The following CHRM2 variants were observed in gnomAD, a reference collection of about 807,000 sequenced individuals.
CHRM2 encodes the protein cholinergic receptor muscarinic 2.
Under a neutral mutation model 25.0 loss-of-function variants are expected in CHRM2, and 8 were observed. The observed-to-expected ratio is 0.32, with a 90% confidence interval of 0.19 to 0.58. The LOEUF is 0.58. Among genes scored for constraint, CHRM2 ranks in the 20% least tolerant of loss-of-function variants. The pLI is 0.88. For synonymous variants in CHRM2, 202 were observed against 205.7 expected (o/e 0.98, Z 0.15); for missense variants, 440 against 567.1 (o/e 0.78, Z 2.28).
In CHRM2 at chr7:137,016,726, A is replaced by G. The variant is rs552186303; in HGVS notation, c.*460A>G. Reference sequence around the variant, plus strand: ...AATAGGCACTATACAATGGGGACATAAAAAAAGAAAATCAAAGAAGGATGC... The same window carrying G: ...AATAGGCACTATACAATGGGGACATGAAAAAAGAAAATCAAAGAAGGATGC... On this transcript the variant is annotated 3_prime_UTR_variant, in exon 4 of 4. Coordinates refer to ENST00000680005, the MANE Select transcript of CHRM2 (RefSeq NM_001006630.2). 5.8e-6 allele frequency: 1 copy of G among 171,860 alleles called. No homozygotes were observed. Among genetic ancestry groups the G allele is most frequent in the South Asian group, 1.9e-4 (1 of 5,242 alleles). The allele number at this position is 171,860 out of a possible 1,614,324, so 10.6% of individuals were successfully genotyped here.
intron 2 of CHRM2, among the ~76,000 whole-genome samples, chr7:136,974,705 A>G (rs1198586258): frequency 6.6e-6 from 1 of 152,214 alleles, no homozygotes; most frequent in Non-Finnish European, 1.5e-5. Context: ...ATGTCATTGC[A>G]TGAAAGTTCT....
intron 2 of CHRM2, among the ~76,000 whole-genome samples, chr7:136,962,691 A>G (rs535126801): frequency 1.6e-4 from 25 of 152,216 alleles, no homozygotes; most frequent in Non-Finnish European, 3.1e-4. Context: ...AACTTGCAAG[A>G]TAAGTTTCAC....
At chr7:136,940,500 C>T (rs140080500) in intron 2 of CHRM2, among the ~76,000 whole-genome samples, 92 of 152,292 alleles carry the variant, frequency 6.0e-4, no homozygotes, top group Non-Finnish European at 1.1e-3. Flanking sequence ...TAGTACATAA[C>T]TTACTGAGTT....
intron 2 of CHRM2, chr7:136,899,253 G>T (rs766433194): frequency 4.6e-5 from 7 of 151,940 alleles, no homozygotes; most frequent in Non-Finnish European, 1.0e-4. Flanking sequence ...TTCAAAAAGG[G>T]CTCTTTCTGT....
chr7:136,876,116 C>A (rs1241362115), intron 2 of CHRM2, among the ~76,000 whole-genome samples: 1 of 152,188 alleles, frequency 6.6e-6, no homozygotes, highest in Non-Finnish European at 1.5e-5. Context: ...CAGTATATTC[C>A]TGTTATTTTT....
At chr7:136,959,707 T>C (rs1800949606) in intron 2 of CHRM2, among the ~76,000 whole-genome samples, 1 of 151,992 alleles carries the variant, frequency 6.6e-6, no homozygotes. Context: ...AGGTCGGGAG[T>C]TCGAGACCAG....
intron 2 of CHRM2, among the ~76,000 whole-genome samples, chr7:136,982,887 T>G (rs1802579520): frequency 1.3e-5 from 2 of 152,192 alleles, no homozygotes; most frequent in South Asian, 4.1e-4. Context: ...TTTCCTTCAT[T>G]TCAACCTTGG....
At position 136,923,233 on chromosome 7, in the gene CHRM2, A is replaced by T. The variant is rs188066567; in HGVS notation, c.-125+53815A>T. Among the ~76,000 whole-genome samples the T allele has an allele frequency of 2.7e-4, 40 of 150,228 alleles. 1 individual carries two copies. The East Asian group carries it at 5.3e-3, about 20-fold the overall frequency. ...TAAAAGCCGAGGTCATAAATGATTT[A>T]AAAAAAAATACAACTGATACTTATT... On this transcript the variant is annotated intron_variant, in intron 2 of 3. Transcript: ENST00000680005.
At chr7:136,890,817 G>A (rs1796661775) in intron 2 of CHRM2, among the ~76,000 whole-genome samples, 1 of 152,152 alleles carries the variant, frequency 6.6e-6, no homozygotes, top group East Asian at 1.9e-4. Flanking sequence ...GTATATGGGT[G>A]TATGTGTTTA....
At chr7:136,953,041 T>C (rs1267934075) in intron 2 of CHRM2, among the ~76,000 whole-genome samples, 1 of 152,170 alleles carries the variant, frequency 6.6e-6, no homozygotes, top group Non-Finnish European at 1.5e-5. Flanking sequence ...TGAGCATAAA[T>C]GTGCATGTGT....
At chr7:136,980,520 C>T (rs2194522) in intron 2 of CHRM2, among the ~76,000 whole-genome samples, 87,667 of 152,100 alleles carry the variant, frequency 0.58, 26,583 homozygotes, top group Non-Finnish European at 0.67. Context: ...TTGTCTTCTG[C>T]CAGTTTTCAA....
intron 2 of CHRM2, chr7:136,871,423 T>C (rs114940522): frequency 6.5e-6 from 1 of 152,742 alleles, no homozygotes; most frequent in African/African-American, 2.4e-5. Context: ...TGCCTGGTGC[T>C]GGGATGCGCC....
intron 2 of CHRM2, among the ~76,000 whole-genome samples, chr7:136,986,009 G>A (rs1802831078): frequency 6.6e-6 from 1 of 152,062 alleles, no homozygotes; most frequent in South Asian, 2.1e-4. Flanking sequence ...GCTCTTCCTT[G>A]TTCTTTTTTA....
intron 2 of CHRM2, among the ~76,000 whole-genome samples, chr7:136,942,901 A>G (rs1799857603): frequency 6.6e-6 from 1 of 150,382 alleles, no homozygotes; most frequent in Non-Finnish European, 1.5e-5. Context: ...CCTTCGTATT[A>G]TTTTCTAACC....
At chr7:137,011,796 A>G (rs1229498208) in intron 3 of CHRM2, among the ~76,000 whole-genome samples, 1 of 152,086 alleles carries the variant, frequency 6.6e-6, no homozygotes, top group Non-Finnish European at 1.5e-5. Context: ...TAACAAGGTG[A>G]TGGTTCCACC....
intron 3 of CHRM2, among the ~76,000 whole-genome samples, chr7:137,011,215 G>GTGTGTGTGTGTATATATATATATATATA: frequency 2.9e-4 from 39 of 134,308 alleles, no homozygotes; most frequent in African/African-American, 1.1e-3. Flanking sequence ...GTGTGTGTGT[G>GTGTGTGTGTGTATATATATATATATATA]TATATATATA....
intron 2 of CHRM2, among the ~76,000 whole-genome samples, chr7:136,976,603 G>A (rs548463351): frequency 1.3e-5 from 2 of 152,244 alleles, no homozygotes; most frequent in East Asian, 3.9e-4. Flanking sequence ...TTATTTGTAG[G>A]ACAAAATAAA....
chr7:136,917,318 C>A (rs1171621815), intron 2 of CHRM2, among the ~76,000 whole-genome samples: 1 of 151,938 alleles, frequency 6.6e-6, no homozygotes, highest in Non-Finnish European at 1.5e-5. Context: ...TCTCAATTTT[C>A]TTATCCTTTC....
intron 2 of CHRM2, among the ~76,000 whole-genome samples, chr7:136,965,246 G>A (rs973197328): frequency 6.6e-6 from 1 of 151,962 alleles, no homozygotes; most frequent in African/African-American, 2.4e-5. Context: ...TAATGGTGAG[G>A]GGATTAAAAC....
Sources: gnomAD v4.1 joint callset for allele counts (sites outside exome capture counted in the v4.1 genomes callset) on GRCh38, gnomAD v4.1.1 for gene constraint, MANE v1.5 for transcripts, NCBI Gene and HGNC (gene_info 2026-07-23, HGNC 2026-07-21) for gene names.